KCNQ5: variants seen among roughly 807,000 people sequenced by gnomAD.
KCNQ5 encodes the protein potassium voltage-gated channel subfamily KQT member 5.
Under a neutral mutation model 98.2 loss-of-function variants are expected in KCNQ5, and 30 were observed. The ratio of observed to expected loss-of-function variants is 0.31; its 90% CI spans 0.23 to 0.41. KCNQ5 has a LOEUF of 0.41. KCNQ5 is among the 10% of genes least tolerant of loss of function. The probability of loss-of-function intolerance (pLI) is 1.00; values close to 1 mark genes in which losing one functional copy is unlikely to be tolerated. For missense variants in KCNQ5, 835 were observed against 1,182.5 expected, an observed-to-expected ratio of 0.71 and a Z score of 4.31; for synonymous variants, 458 against 449.4, an observed-to-expected ratio of 1.02 and a Z score of -0.24.
intron 1 of KCNQ5, among the ~76,000 whole-genome samples, chr6:72,851,476 A>G (rs1218743017): frequency 6.6e-6 from 1 of 152,152 alleles, no homozygotes; most frequent in South Asian, 2.1e-4. Flanking sequence ...TCTAAATGTC[A>G]TAGTTTTCTG....
intron 3 of KCNQ5, among the ~76,000 whole-genome samples, chr6:73,049,232 T>C (rs1484832608): frequency 6.6e-6 from 1 of 152,234 alleles, no homozygotes; most frequent in Admixed American, 6.5e-5. Context: ...ACGTGGATAA[T>C]GTACTGTGCA....
At chr6:72,770,559 A>G (rs1430081426) in intron 1 of KCNQ5, among the ~76,000 whole-genome samples, 1 of 152,168 alleles carries the variant, frequency 6.6e-6, no homozygotes, top group Non-Finnish European at 1.5e-5. Context: ...TGAATCACAC[A>G]TTTATAAATC....
chr6:72,994,435 G>A (rs1408653659), intron 1 of KCNQ5, among the ~76,000 whole-genome samples: 19 of 117,666 alleles, frequency 1.6e-4, no homozygotes, highest in South Asian at 3.3e-4. Context: ...AGGTGCGTCC[G>A]TCACCCCTTT....
At chr6:72,869,032 G>A (rs771174058) in intron 1 of KCNQ5, among the ~76,000 whole-genome samples, 4 of 152,064 alleles carry the variant, frequency 2.6e-5, no homozygotes, top group Non-Finnish European at 4.4e-5. Context: ...TGAGATAATG[G>A]ATACCCAATT....
intron 1 of KCNQ5, among the ~76,000 whole-genome samples, chr6:72,895,114 TAAAA>T (rs71540357): frequency 1.5e-4 from 13 of 89,250 alleles, no homozygotes; most frequent in African/African-American, 5.0e-4. Context: ...CCATCTCTAC[TAAAA>T]AAAAAAAAAA....
At chr6:73,085,109 C>T (rs909510015) in intron 5 of KCNQ5, among the ~76,000 whole-genome samples, 36 of 152,280 alleles carry the variant, frequency 2.4e-4, no homozygotes, top group Middle Eastern at 3.4e-3. Context: ...ATGCAGCGCT[C>T]ATCTAAGGAT....
At chr6:72,937,673 C>T (rs1438640261) in intron 1 of KCNQ5, among the ~76,000 whole-genome samples, 1 of 152,154 alleles carries the variant, frequency 6.6e-6, no homozygotes, top group Non-Finnish European at 1.5e-5. Flanking sequence ...CAGAAAGCTG[C>T]ATGCTCTCAA....
chr6:72,747,045 T>C (rs1327125551), intron 1 of KCNQ5, among the ~76,000 whole-genome samples: 2 of 152,134 alleles, frequency 1.3e-5, no homozygotes, highest in Non-Finnish European at 2.9e-5. Flanking sequence ...TATGTTCTAG[T>C]TCAGGGGTTG....
intron 1 of KCNQ5, among the ~76,000 whole-genome samples, chr6:72,996,747 T>G (rs1769320012): frequency 6.6e-6 from 1 of 152,192 alleles, no homozygotes; most frequent in Non-Finnish European, 1.5e-5. Flanking sequence ...ATTCTTTTGC[T>G]TACACTGAAG....
At chr6:72,872,360 A>G (rs1022943000) in intron 1 of KCNQ5, among the ~76,000 whole-genome samples, 24 of 152,162 alleles carry the variant, frequency 1.6e-4, no homozygotes, top group African/African-American at 5.5e-4. Context: ...AAGGAGGTCT[A>G]CTCTGTAGAA....
chr6:72,753,917 A>C (rs1444593410), intron 1 of KCNQ5, among the ~76,000 whole-genome samples: 2 of 152,096 alleles, frequency 1.3e-5, no homozygotes, highest in East Asian at 3.8e-4. Context: ...AGTACTTTTT[A>C]AACTTGTGTA....
intron 1 of KCNQ5, among the ~76,000 whole-genome samples, chr6:72,927,762 A>G (rs1582031879): frequency 6.6e-6 from 1 of 152,016 alleles, no homozygotes; most frequent in Admixed American, 6.6e-5. Flanking sequence ...TTACCAGTCT[A>G]TATTGTTTTA....
At chr6:73,190,951 T>C (rs763180948) in intron 12 of KCNQ5, among the ~76,000 whole-genome samples, 4 of 152,242 alleles carry the variant, frequency 2.6e-5, no homozygotes, top group Non-Finnish European at 5.9e-5. Flanking sequence ...TCTTGCCTTA[T>C]AGGGTTGTCA....
chr6:73,077,560 T>C, intron 4 of KCNQ5, 63 bp downstream of exon 4: 1 of 1,497,474 alleles, frequency 6.7e-7, no homozygotes, highest in Non-Finnish European at 9.0e-7. Flanking sequence ...ATCGCTGTAA[T>C]AGTTAATAAA....
rs79109378 is a variant in KCNQ5 at position 72,660,522 on chromosome 6, C to T, written c.398+37935C>T. 9.4e-3 allele frequency among the ~76,000 whole-genome samples: 1,427 copies of T among 152,260 alleles called. 13 individuals are homozygous for T. Among genetic ancestry groups the T allele is most frequent in the East Asian group, 0.02 (105 of 5,182 alleles). On this transcript the variant is annotated intron_variant, in intron 1 of 13. Coordinates refer to ENST00000370398, the MANE Select transcript of KCNQ5 (RefSeq NM_019842.4). ...GCTTTGTAATGAAGTTTCTTAGCAT[C>T]CTGTTTCTTAAGAAGTAGTTAGCAG...
intron 2 of KCNQ5, among the ~76,000 whole-genome samples, chr6:73,011,727 A>C (rs190847534): frequency 6.6e-6 from 1 of 152,250 alleles, no homozygotes; most frequent in Non-Finnish European, 1.5e-5. Flanking sequence ...CATACCTGAG[A>C]AGGGGTTAAT....
At chr6:72,987,462 C>G (rs1425423356) in intron 1 of KCNQ5, 4 of 675,290 alleles carry the variant, frequency 5.9e-6, no homozygotes, top group African/African-American at 3.5e-5. Flanking sequence ...CAACGAGGAA[C>G]AGAAACTGAA....
chr6:73,174,455 G>A (rs16883459), intron 11 of KCNQ5, among the ~76,000 whole-genome samples: 5,054 of 152,200 alleles, frequency 0.033, 113 homozygotes, highest in East Asian at 0.11. Context: ...TACTATCTCC[G>A]TGCAATAATG....
At chr6:73,094,828 G>T (rs1774412159) in intron 5 of KCNQ5, among the ~76,000 whole-genome samples, 1 of 152,096 alleles carries the variant, frequency 6.6e-6, no homozygotes, top group South Asian at 2.1e-4. Context: ...AGGTTACCAG[G>T]TACTTTTGTC....
Sources: allele counts gnomAD v4.1 joint callset (sites outside exome capture counted in the v4.1 genomes callset), GRCh38; gene constraint gnomAD v4.1.1; transcripts MANE v1.5; gene names NCBI Gene and HGNC (gene_info 2026-07-23, HGNC 2026-07-21).